Variants in MTA3 observed in about 807,000 individuals in gnomAD.
The protein encoded by MTA3 is metastasis-associated protein MTA3.
Under a neutral mutation model 83.5 loss-of-function variants are expected in MTA3, and 34 were observed. That is an observed-to-expected ratio of 0.41 (90% confidence interval 0.31 to 0.54). The LOEUF (loss-of-function observed/expected upper bound fraction) is 0.54, where lower values mean the gene tolerates loss of function less well. Ranked by LOEUF, MTA3 falls within the 20% of genes least tolerant of loss-of-function variation. The probability of loss-of-function intolerance (pLI) is 0.33; values close to 1 mark genes in which losing one functional copy is unlikely to be tolerated. For missense variants in MTA3, 761 were observed against 726.4 expected (o/e 1.05, Z -0.55); for synonymous variants, 303 against 252.7 (o/e 1.20, Z -1.89).
At chr2:42,618,490 A>G (rs2104167981) in intron 4 of MTA3, among the ~76,000 whole-genome samples, 1 of 152,366 alleles carries the variant, frequency 6.6e-6, no homozygotes, top group Admixed American at 6.5e-5. Context: ...TTCTGGTCAT[A>G]AAAACAATAT....
At chr2:42,680,379 G>A (rs1401199527) in intron 8 of MTA3, 1 of 152,232 alleles carries the variant, frequency 6.6e-6, no homozygotes, top group Non-Finnish European at 1.5e-5. Flanking sequence ...CACGACTTAA[G>A]CCAAAAGCTA....
intron 16 of MTA3, among the ~76,000 whole-genome samples, chr2:42,743,502 G>T (rs895443590): frequency 6.6e-6 from 1 of 152,184 alleles, no homozygotes; most frequent in South Asian, 2.1e-4. Flanking sequence ...GGAAAGTGAT[G>T]AATTGTACAA....
intron 16 of MTA3, among the ~76,000 whole-genome samples, chr2:42,739,657 C>T (rs1385105507): frequency 3.3e-5 from 5 of 152,108 alleles, no homozygotes; most frequent in African/African-American, 4.8e-5. Context: ...TTCTTTGTGG[C>T]GTGTGATGCT....
intron 3 of MTA3, among the ~76,000 whole-genome samples, chr2:42,594,728 A>ATATATATATATATATATATATAT: frequency 4.2e-5 from 1 of 24,044 alleles, no homozygotes; most frequent in South Asian, 4.1e-3. Flanking sequence ...ATATATATAT[A>ATATATATATATATATATATATAT]TTTTTTTTTT....
chr2:42,750,415 T>C (rs546311767), intron 16 of MTA3, among the ~76,000 whole-genome samples: 2 of 151,730 alleles, frequency 1.3e-5, no homozygotes, highest in African/African-American at 4.8e-5. Flanking sequence ...GTTTTTTTTT[T>C]CCCTGGTGAC....
At chr2:42,709,175 T>C (rs74676545) in intron 14 of MTA3, 79 bp downstream of exon 14, 1 of 1,488,956 alleles carries the variant, frequency 6.7e-7, no homozygotes, top group Admixed American at 2.5e-5. Context: ...CTTTTTTTTT[T>C]GTTTGTTTGT....
At chr2:42,744,888 A>T (rs1342344086) in intron 16 of MTA3, among the ~76,000 whole-genome samples, 4 of 152,322 alleles carry the variant, frequency 2.6e-5, no homozygotes, top group East Asian at 1.9e-4. Flanking sequence ...TCACGTCCTC[A>T]TGAAGAAGTG....
chr2:42,540,212 C>T (rs1257324641), intron 2 of MTA3, among the ~76,000 whole-genome samples: 1 of 139,266 alleles, frequency 7.2e-6, no homozygotes, highest in Non-Finnish European at 1.5e-5. Flanking sequence ...CTCACTCTGT[C>T]ACTCAGGGTG....
At position 42,704,265 on chromosome 2, in the gene MTA3, C is replaced by A. The variant is rs756724002; in HGVS notation, c.1097C>A (p.Thr366Asn). ...GGTGCTGTGAATGGAGCTGTGGGGACCACGTTCCAGCCTCAGAATCCTCTC... is the reference window on the plus strand; with the variant it reads ...GGTGCTGTGAATGGAGCTGTGGGGAACACGTTCCAGCCTCAGAATCCTCTC... ...KPGAVNGAVG[T>N]TFQPQNPLLG... is the part of the protein sequence containing the mutation. The change falls in exon 12 of 17, where the codon ACC becomes AAC. Residue 366 changes from threonine to asparagine, a missense_variant. Thr to Asn is a moderately conservative substitution (Grantham distance 65, BLOSUM62 0). Coordinates refer to ENST00000405094, the MANE Select transcript of MTA3 (RefSeq NM_001330442.2). 1 of 1,613,978 alleles carries A rather than the reference C, an allele frequency of 6.2e-7. No homozygotes were observed. Among genetic ancestry groups the A allele is most frequent in the Non-Finnish European group, 8.5e-7 (1 of 1,179,874 alleles).
In MTA3 at chr2:42,755,578, C is replaced by T. The variant is rs1670183439; in HGVS notation, c.*2179C>T. ...AGGAGGGTGATGTTGACTGAGACTTCACGCTCTCCCTTTGTCTCTGGAAAC... is the reference window on the plus strand; with the variant it reads ...AGGAGGGTGATGTTGACTGAGACTTTACGCTCTCCCTTTGTCTCTGGAAAC... On this transcript the variant is annotated 3_prime_UTR_variant, in exon 17 of 17. Coordinates refer to ENST00000405094, the MANE Select transcript of MTA3 (RefSeq NM_001330442.2). 1 of 985,518 alleles carries T rather than the reference C, an allele frequency of 1.0e-6. No homozygotes were observed. Among genetic ancestry groups the T allele is most frequent in the South Asian group, 4.7e-5 (1 of 21,290 alleles). 61.0% of individuals were successfully genotyped at this position (985,518 alleles called of 1,614,324 possible).
chr2:42,602,345 C>T (rs1357328252), intron 3 of MTA3, among the ~76,000 whole-genome samples: 1 of 152,164 alleles, frequency 6.6e-6, no homozygotes, highest in Non-Finnish European at 1.5e-5. Context: ...AAATAAAGCT[C>T]CTATGAACAT....
chr2:42,506,251 C>T (rs961787584), intron 2 of MTA3, among the ~76,000 whole-genome samples: 3 of 152,032 alleles, frequency 2.0e-5, no homozygotes, highest in East Asian at 1.9e-4. Flanking sequence ...TCAAGACCAG[C>T]CTGGGCAACA....
intron 3 of MTA3, among the ~76,000 whole-genome samples, chr2:42,594,710 A>ATG (rs1249242120): frequency 5.2e-5 from 2 of 38,144 alleles, no homozygotes; most frequent in Non-Finnish European, 8.3e-5. Context: ...ATATACATAT[A>ATG]TATATATATA....
At chr2:42,497,427 A>C (rs1386226410) in intron 2 of MTA3, among the ~76,000 whole-genome samples, 1 of 151,264 alleles carries the variant, frequency 6.6e-6, no homozygotes, top group Non-Finnish European at 1.5e-5. Flanking sequence ...CCTACTAAAA[A>C]TACAAAAATT....
At chr2:42,684,556 T>C (rs866654392) in intron 9 of MTA3, among the ~76,000 whole-genome samples, 28 of 152,216 alleles carry the variant, frequency 1.8e-4, no homozygotes, top group African/African-American at 6.3e-4. Context: ...TAGAGCAGTG[T>C]TATTAATATA....
chr2:42,519,813 G>T (rs1443990018), intron 2 of MTA3, among the ~76,000 whole-genome samples: 1 of 151,856 alleles, frequency 6.6e-6, no homozygotes, highest in Non-Finnish European at 1.5e-5. Context: ...ACTTTGGGAG[G>T]CCGAGGCAGG....
intron 8 of MTA3, among the ~76,000 whole-genome samples, chr2:42,666,666 C>T (rs758937964): frequency 1.6e-4 from 24 of 152,174 alleles, no homozygotes; most frequent in Admixed American, 1.2e-3. Flanking sequence ...ATTAAAAACT[C>T]ATTTTTGTGA....
chr2:42,620,239 C>G (rs1685383191), intron 4 of MTA3, among the ~76,000 whole-genome samples: 1 of 151,950 alleles, frequency 6.6e-6, no homozygotes, highest in South Asian at 2.1e-4. Context: ...CTGCCTCAGC[C>G]TCCCGAGTAG....
At chr2:42,707,036 A>G (rs1187583186) in intron 12 of MTA3, among the ~76,000 whole-genome samples, 2 of 150,522 alleles carry the variant, frequency 1.3e-5, no homozygotes, top group Admixed American at 6.6e-5. Context: ...CAGTGGTGCA[A>G]TCACAGTGGC....
Sources: allele counts gnomAD v4.1 joint callset (sites outside exome capture counted in the v4.1 genomes callset), GRCh38; gene constraint gnomAD v4.1.1; transcripts MANE v1.5; gene names NCBI Gene and HGNC (gene_info 2026-07-23, HGNC 2026-07-21).